PLXNC1: variants seen among roughly 807,000 people sequenced by gnomAD.
The protein encoded by PLXNC1 is plexin-C1.
In PLXNC1, 75 loss-of-function variants were observed where a neutral mutation model predicts 178.2. The ratio of observed to expected loss-of-function variants is 0.42; its 90% CI spans 0.35 to 0.51. The LOEUF is 0.51. Ranked by LOEUF, PLXNC1 falls within the 20% of genes least tolerant of loss-of-function variation. The pLI, the probability that PLXNC1 is intolerant of heterozygous loss-of-function variation, is 0.02. For missense variants in PLXNC1, 1,503 were observed against 1,984.4 expected (o/e 0.76, Z 4.61); for synonymous variants, 790 against 779.9 (o/e 1.01, Z -0.22).
chr12:94,275,469 CAG>C (rs1264298099), intron 21 of PLXNC1, among the ~76,000 whole-genome samples: 2 of 152,186 alleles, frequency 1.3e-5, no homozygotes, highest in Non-Finnish European at 2.9e-5. Context: ...CTCCCCATCA[CAG>C]AGCAGAGGCC....
intron 4 of PLXNC1, among the ~76,000 whole-genome samples, chr12:94,195,856 A>G (rs912654400): frequency 6.6e-6 from 1 of 152,220 alleles, no homozygotes; most frequent in African/African-American, 2.4e-5. Context: ...TTAACACATG[A>G]GAGAAAACTG....
chr12:94,205,599 G>A (rs1026342420), intron 4 of PLXNC1, among the ~76,000 whole-genome samples: 2 of 152,200 alleles, frequency 1.3e-5, no homozygotes, highest in Non-Finnish European at 2.9e-5. Context: ...TCTAAGTCCA[G>A]GGCCGCCTGA....
intron 23 of PLXNC1, among the ~76,000 whole-genome samples, chr12:94,292,564 C>T (rs1313664339): frequency 6.6e-6 from 1 of 152,158 alleles, no homozygotes; most frequent in Non-Finnish European, 1.5e-5. Context: ...CTTGGAACCA[C>T]AAGTATTTCA....
intron 4 of PLXNC1, among the ~76,000 whole-genome samples, chr12:94,201,437 TATA>T (rs990280394): frequency 3.9e-5 from 6 of 152,134 alleles, no homozygotes; most frequent in Non-Finnish European, 8.8e-5. Flanking sequence ...TCCCATATAA[TATA>T]ATAATAATAA....
chr12:94,214,302 GT>G (rs1963581376), intron 5 of PLXNC1, among the ~76,000 whole-genome samples: 1 of 151,964 alleles, frequency 6.6e-6, no homozygotes, highest in African/African-American at 2.4e-5. Flanking sequence ...GCCCAGGCTG[GT>G]CTCAAACCCC....
intron 20 of PLXNC1, among the ~76,000 whole-genome samples, chr12:94,264,513 C>T (rs1965127377): frequency 7.6e-6 from 1 of 131,858 alleles, no homozygotes; most frequent in Non-Finnish European, 1.6e-5. Flanking sequence ...CCGGGCCGGG[C>T]CTGGCCTGGC....
chr12:94,181,710 C>T (rs916419518), intron 3 of PLXNC1, 130 bp downstream of exon 3: 31 of 713,944 alleles, frequency 4.3e-5, no homozygotes, highest in East Asian at 3.6e-4. Flanking sequence ...TGAGGAGACC[C>T]GCAGTGGTTC....
intron 1 of PLXNC1, among the ~76,000 whole-genome samples, chr12:94,157,155 A>G (rs957293095): frequency 7.2e-5 from 11 of 152,126 alleles, no homozygotes; most frequent in Non-Finnish European, 1.3e-4. Flanking sequence ...CAGTGTAGGG[A>G]TTTGTAACCC....
In PLXNC1 at chr12:94,294,657, T is replaced by G. The variant is rs1258897715; in HGVS notation, c.3934+117T>G. 4 of 582,414 alleles carry G rather than the reference T, an allele frequency of 6.9e-6. No individual in the cohort carries two copies. The Admixed American group carries it at 9.0e-5, about 13-fold the overall frequency. 36.1% of individuals were successfully genotyped at this position (582,414 alleles called of 1,614,324 possible). A position where few individuals can be genotyped will look rare whatever the true frequency, so the allele number is the denominator to read the frequency against. On this transcript the variant is annotated intron_variant, in intron 24 of 30. Coordinates refer to ENST00000258526, the MANE Select transcript of PLXNC1 (RefSeq NM_005761.3). ...AGATTGAGTTGTTGCTATGTAATTC[T>G]CTGAAAGTTGAGAAAAGTCATTTTG...
chr12:94,253,211 GAAAAAAAAA>G (rs35584186), intron 15 of PLXNC1, among the ~76,000 whole-genome samples: 22 of 42,018 alleles, frequency 5.2e-4, no homozygotes, highest in African/African-American at 1.0e-3. Flanking sequence ...CTCCGTCTCA[GAAAAAAAAA>G]AAAAAAAAAA....
rs1319660631 is a variant in PLXNC1, at chr12:94,305,928, A to T, written c.*643A>T. 1 of 149,468 alleles carries T rather than the reference A, an allele frequency of 6.7e-6. No individual in the cohort carries two copies. The highest frequency in any genetic ancestry group is 2.6e-5 in the African/African-American group (1 of 38,898). The allele number at this position is 149,468 out of a possible 1,614,324, so 9.3% of individuals were successfully genotyped here. On this transcript the variant is annotated 3_prime_UTR_variant, in exon 31 of 31. Transcript: ENST00000258526. ...TCATCAACTGCACTCCATCAAACTC[A>T]CCTCCATTTCACCAAGGAGCTCTAA...
intron 3 of PLXNC1, 99 bp downstream of exon 3, chr12:94,181,679 T>C: frequency 4.8e-6 from 5 of 1,049,442 alleles, no homozygotes; most frequent in Non-Finnish European, 7.2e-6. Context: ...AACTACAGAG[T>C]TTAAGCAGTG....
intron 2 of PLXNC1, among the ~76,000 whole-genome samples, chr12:94,174,945 GTGGTTCAGACTGTA>G (rs1384888323): frequency 6.6e-6 from 1 of 152,210 alleles, no homozygotes; most frequent in Non-Finnish European, 1.5e-5. Context: ...TCTAGAACCT[GTGGTTCAGACTGTA>G]TGCTTCTCTT....
In PLXNC1 at chr12:94,149,420, G is replaced by A; in HGVS notation, c.449G>A (p.Gly150Asp). 6.9e-7 allele frequency: 1 copy of A among 1,449,480 alleles called. No homozygotes were observed. Among genetic ancestry groups the A allele is most frequent in the Non-Finnish European group, 9.0e-7 (1 of 1,110,700 alleles). The allele number at this position is 1,449,480 out of a possible 1,614,324, so 89.8% of individuals were successfully genotyped here. A position where few individuals can be genotyped will look rare whatever the true frequency, so the allele number is the denominator to read the frequency against. Residue 150 changes from glycine (G) to aspartate (D), a missense_variant, in exon 1 of 31, where the codon GGC (glycine) becomes GAC (aspartate). Gly to Asp is a moderately conservative substitution (Grantham distance 94, BLOSUM62 -1). This residue lies in a region of PLXNC1 where 73 missense variants were observed against 125.4 expected (regional missense o/e 0.58). Coordinates refer to ENST00000258526, the MANE Select transcript of PLXNC1 (RefSeq NM_005761.3). ...GNLSRNSLRN[G>D]TEVVSCHPQG... is the part of the protein sequence containing the mutation. Reference sequence around the variant, plus strand: ...CTGAGCCGCAACTCCCTGCGCAACGGCACCGAGGTGGTGTCGTGCCACCCG... The same window carrying A: ...CTGAGCCGCAACTCCCTGCGCAACGACACCGAGGTGGTGTCGTGCCACCCG...
Position 94,227,019 on chromosome 12 carries a change from G to A in PLXNC1, c.1894-130G>A, listed in dbSNP as rs150361353. 2.1e-3 allele frequency: 1,422 copies of A among 674,390 alleles called. 22 individuals carry two copies. Among genetic ancestry groups the A allele is most frequent in the African/African-American group, 0.02 (1,124 of 55,220 alleles). 41.8% of individuals were successfully genotyped at this position (674,390 alleles called of 1,614,324 possible). A position where few individuals can be genotyped will look rare whatever the true frequency, so the allele number is the denominator to read the frequency against. Reference sequence around the variant, plus strand: ...AGCCTGGGTGACAGAGTGAGACTCCGTCTCAAAAAAAAAAGGTTTAACCAA... The same window carrying A: ...AGCCTGGGTGACAGAGTGAGACTCCATCTCAAAAAAAAAAGGTTTAACCAA... On this transcript the variant is annotated intron_variant, in intron 8 of 30. Transcript: ENST00000258526.
At chr12:94,166,418 T>C (rs1014702232) in intron 1 of PLXNC1, among the ~76,000 whole-genome samples, 5 of 151,802 alleles carry the variant, frequency 3.3e-5, no homozygotes, top group African/African-American at 4.8e-5. Context: ...GAGCCAGGAG[T>C]CAAACTTAGG....
At chr12:94,239,094 T>G (rs1282626792) in intron 10 of PLXNC1, among the ~76,000 whole-genome samples, 1 of 152,208 alleles carries the variant, frequency 6.6e-6, no homozygotes, top group Non-Finnish European at 1.5e-5. Context: ...TCATTTTAAT[T>G]CCGAATGTGT....
chr12:94,229,575 A>G (rs1292152610), intron 9 of PLXNC1, among the ~76,000 whole-genome samples: 3 of 152,188 alleles, frequency 2.0e-5, no homozygotes, highest in African/African-American at 4.8e-5. Context: ...ATTTTTATAT[A>G]TGGCATAAGA....
chr12:94,148,929 G>C lies in PLXNC1; in HGVS notation c.-43G>C, dbSNP rs527294304. ...TCCGTTGCCGCGCGCCTGAGCCGCCGTCGCCGCCGCGCGCCCTGCCCGGGG... is the reference window on the plus strand; with the variant it reads ...TCCGTTGCCGCGCGCCTGAGCCGCCCTCGCCGCCGCGCGCCCTGCCCGGGG... On this transcript the variant is annotated 5_prime_UTR_variant, in exon 1 of 31. Coordinates refer to ENST00000258526, the MANE Select transcript of PLXNC1 (RefSeq NM_005761.3). This position sits in a 1 kb window ranked among gnomAD's most constrained non-coding sequence, Gnocchi z 4.8. 1 of 829,206 alleles carries C rather than the reference G, an allele frequency of 1.2e-6. No homozygotes were observed. Among genetic ancestry groups the C allele is most frequent in the Non-Finnish European group, 1.6e-6 (1 of 642,402 alleles). The allele number at this position is 829,206 out of a possible 1,614,324, so 51.4% of individuals were successfully genotyped here. A position where few individuals can be genotyped will look rare whatever the true frequency, so the allele number is the denominator to read the frequency against.
Sources: allele counts gnomAD v4.1 joint callset (sites outside exome capture counted in the v4.1 genomes callset), GRCh38; gene constraint gnomAD v4.1.1; regional missense constraint gnomAD v4.1.1; non-coding constraint Gnocchi (gnomAD v3.1); transcripts MANE v1.5; gene names NCBI Gene and HGNC (gene_info 2026-07-23, HGNC 2026-07-21).